EPN3: variants seen among roughly 807,000 people sequenced by gnomAD.
EPN3 encodes epsin 3, also known as epsin-3.
EPN3 carries 56 observed loss-of-function variants against 55.5 expected under a neutral mutation model. That is an observed-to-expected ratio of 1.01 (90% CI 0.81 to 1.26). The LOEUF (loss-of-function observed/expected upper bound fraction) is 1.26, where lower values mean the gene tolerates loss of function less well. Among genes scored for constraint, EPN3 ranks in the 50% most tolerant of loss-of-function variants. EPN3 has a pLI of 0.00. For missense variants in EPN3, 927 were observed against 853.4 expected, an observed-to-expected ratio of 1.09 and a Z score of -1.07; for synonymous variants, 449 against 375.2, an observed-to-expected ratio of 1.20 and a Z score of -2.27.
chr17:50,537,918 G>A, intron 2 of EPN3, 161 bp from the exon 3 acceptor site: 1 of 603,886 alleles, frequency 1.7e-6, no homozygotes, highest in Admixed American at 3.0e-5. Flanking sequence ...GTTGGGATGG[G>A]GAACTTACAG....
Position 50,536,622 on chromosome 17 carries a change from C to G in EPN3, c.66C>G (p.Ile22Met). The G allele has an allele frequency of 6.2e-7, 1 of 1,614,098 alleles. No individual in the cohort carries two copies. The change falls in exon 2 of 10, where the codon ATC becomes ATG. Residue 22 changes from isoleucine (I) to methionine (M), a missense_variant. Coordinates refer to ENST00000268933, the MANE Select transcript of EPN3 (RefSeq NM_017957.3). Reference sequence around the variant, plus strand: ...TGCACAACTACTCCGAGGCAGAAATCAAGGTGCGCGAGGCCACCAGCAATG... The same window carrying G: ...TGCACAACTACTCCGAGGCAGAAATGAAGGTGCGCGAGGCCACCAGCAATG... ...NIVHNYSEAEIKVREATSNDP... is the reference protein window; with the variant it reads ...NIVHNYSEAEMKVREATSNDP...
intron 3 of EPN3, 138 bp downstream of exon 3, chr17:50,538,335 T>A (rs994753766): frequency 3.1e-5 from 20 of 642,898 alleles, no homozygotes; most frequent in African/African-American, 1.7e-4. Flanking sequence ...AGACCCATTA[T>A]CTCTGTCGGT....
intron 6 of EPN3, among the ~76,000 whole-genome samples, chr17:50,540,542 CA>C (rs3214883): frequency 0.6 from 91,781 of 151,968 alleles, 29,285 homozygotes; most frequent in African/African-American, 0.78. Context: ...GGAAACGCAG[CA>C]AAATGTTCTC....
rs572137963 is a variant in EPN3, at chr17:50,538,855, G to T, written c.682-29G>T. On this transcript the variant is annotated intron_variant, in intron 3 of 9. Coordinates refer to ENST00000268933, the MANE Select transcript of EPN3 (RefSeq NM_017957.3). ...TCTGGTCCCAAGGTGGGGGTACAGG[G>T]CCAAGTTTACCCCTCTCTTCCTCCG... 3.9e-5 allele frequency: 60 copies of T among 1,541,564 alleles called. 1 individual carries two copies. The South Asian group carries it at 5.0e-4, about 13-fold the overall frequency.
intron 1 of EPN3, among the ~76,000 whole-genome samples, chr17:50,533,931 G>A (rs543618500): frequency 1.3e-5 from 2 of 152,250 alleles, no homozygotes; most frequent in South Asian, 2.1e-4. Context: ...TGCTGCTACC[G>A]CCACCGCCTT....
intron 5 of EPN3, among the ~76,000 whole-genome samples, chr17:50,539,581 C>T (rs1166225970): frequency 6.6e-6 from 1 of 152,166 alleles, no homozygotes; most frequent in Non-Finnish European, 1.5e-5. Context: ...TGACTTGGGG[C>T]ATGTCACTGT....
At chr17:50,536,302 C>A (rs1043206942) in intron 1 of EPN3, 119 bp from the exon 2 acceptor site, 1 of 719,350 alleles carries the variant, frequency 1.4e-6, no homozygotes, top group African/African-American at 1.8e-5. Context: ...GAACGTGTGC[C>A]GCTGAAGGCT....
chr17:50,542,117 G>A lies in EPN3; in HGVS notation c.1859G>A (p.Arg620Gln), dbSNP rs932775977. 3 of 1,529,408 alleles carry A rather than the reference G, an allele frequency of 2.0e-6. No homozygotes were observed. Among genetic ancestry groups the A allele is most frequent in the Non-Finnish European group, 8.7e-7 (1 of 1,147,758 alleles). The allele number at this position is 1,529,408 out of a possible 1,614,324, so 94.7% of individuals were successfully genotyped here. ...LLPTPSSAGP[R>Q]PPPPQTGTNP... ...CCCACGCCGAGCTCAGCCGGGCCGC[G>A]GCCCCCGCCCCCGCAGACCGGCACC... The change falls in exon 10 of 10, where the codon CGG (arginine) becomes CAG (glutamine). Residue 620 changes from arginine to glutamine, a missense_variant. Arg to Gln is a conservative substitution (Grantham distance 43). Coordinates refer to ENST00000268933, the MANE Select transcript of EPN3 (RefSeq NM_017957.3).
At chr17:50,533,027 G>T in intron 1 of EPN3, 42 bp downstream of exon 1, 1 of 1,205,860 alleles carries the variant, frequency 8.3e-7, no homozygotes, top group Non-Finnish European at 1.1e-6. Context: ...GTGGCGGCAT[G>T]GAAGGCGGGG....
In EPN3 at chr17:50,537,066, C is replaced by CCGCTACGGCGAGGACTACAGCCGCT. The variant is rs767250840; in HGVS notation, c.512_536dup (p.Arg180LeufsTer52). 1.9e-5 allele frequency: 30 copies of CCGCTACGGCGAGGACTACAGCCGCT among 1,611,696 alleles called. No homozygotes were observed. Among genetic ancestry groups the CCGCTACGGCGAGGACTACAGCCGCT allele is most frequent in the Non-Finnish European group, 2.5e-5 (29 of 1,179,728 alleles). On this transcript the variant is annotated frameshift_variant, in exon 2 of 10. Transcript: ENST00000268933. LOFTEE classifies it high-confidence loss of function. ...GCAGTGGGCAGCTGGGCTTCAGCCG[C>CCGCTACGGCGAGGACTACAGCCGCT]CGCTACGGCGAGGACTACAGCCGCT...
chr17:50,538,354 GGCAGGGAC>G, intron 3 of EPN3, 157 bp downstream of exon 3: 1 of 611,982 alleles, frequency 1.6e-6, no homozygotes. Context: ...GTTTGTCGCA[GGCAGGGAC>G]TGCCTCCCTG....
At position 50,537,280 on chromosome 17, in the gene EPN3, A is replaced by G; in HGVS notation, c.562+162A>G. 9.9e-6 allele frequency: 7 copies of G among 708,530 alleles called. No individual in the cohort carries two copies. The South Asian group carries it at 1.4e-4, about 14-fold the overall frequency. The allele number at this position is 708,530 out of a possible 1,614,324, so 43.9% of individuals were successfully genotyped here. On this transcript the variant is annotated intron_variant, in intron 2 of 9. Coordinates refer to ENST00000268933, the MANE Select transcript of EPN3 (RefSeq NM_017957.3). ...CAAGGCGCAACACCCGGCACATAGG[A>G]GGTGCTCAACAAGTTAGCTCAGATA...
Position 50,539,239 on chromosome 17 carries a change from C to A in EPN3, c.815C>A (p.Ala272Asp). The A allele has an allele frequency of 6.2e-7, 1 of 1,614,134 alleles. No homozygotes were observed. ...DGSPMANGAG[A>D]VVHHQRDREP... The stretch of plus-strand genomic sequence containing the variant: ...TCCCCCATGGCCAATGGTGCAGGGG[C>A]CGTGGTCCACCATCAGCGGGACAGA... Residue 272 changes from alanine to aspartate, a missense_variant, in exon 5 of 10, where the codon GCC becomes GAC. Transcript: ENST00000268933.
chr17:50,541,247 A>C lies in EPN3; in HGVS notation c.1268A>C (p.Asp423Ala), dbSNP rs2034845069. The change falls in exon 8 of 10, where the codon GAC becomes GCC. Residue 423 changes from aspartate to alanine, a missense_variant. Coordinates refer to ENST00000268933, the MANE Select transcript of EPN3 (RefSeq NM_017957.3). ...TTCCGAGGTGGTGCCTCGACCTTTG[A>C]CCCATTTGCCAAACCTCCAGAATCC... ...SDTPGGASTF[D>A]PFAKPPESTE... 1 of 1,613,302 alleles carries C rather than the reference A, an allele frequency of 6.2e-7. No homozygotes were observed. Among genetic ancestry groups the C allele is most frequent in the South Asian group, 1.1e-5 (1 of 91,036 alleles).
chr17:50,537,282 G>A (rs2034778666), intron 2 of EPN3, 164 bp downstream of exon 2: 2 of 698,122 alleles, frequency 2.9e-6, no homozygotes, highest in South Asian at 3.9e-5. Context: ...CACATAGGAG[G>A]TGCTCAACAA....
intron 1 of EPN3, among the ~76,000 whole-genome samples, chr17:50,534,003 C>A (rs1451772671): frequency 2.0e-5 from 3 of 152,226 alleles, no homozygotes; most frequent in South Asian, 4.1e-4. Flanking sequence ...TTCGATAAAA[C>A]CCTTTGCTTG....
At chr17:50,538,432 C>T (rs760391196) in intron 3 of EPN3, 15 of 558,866 alleles carry the variant, frequency 2.7e-5, no homozygotes, top group Non-Finnish European at 3.8e-5. Flanking sequence ...GGGGCACATG[C>T]TATGTCTTGG....
chr17:50,538,235 G>A (rs1228489469), intron 3 of EPN3, 38 bp downstream of exon 3: 2 of 1,542,778 alleles, frequency 1.3e-6, no homozygotes, highest in Non-Finnish European at 1.8e-6. Context: ...GGGAGGGGAT[G>A]GGCTAGGGGG....
chr17:50,533,692 G>A (rs945644489), intron 1 of EPN3, among the ~76,000 whole-genome samples: 21 of 152,108 alleles, frequency 1.4e-4, no homozygotes, highest in African/African-American at 4.3e-4. Flanking sequence ...CCTCCCTACT[G>A]CGCAGTTCTC....
Sources: gnomAD v4.1 joint callset for allele counts (sites outside exome capture counted in the v4.1 genomes callset) on GRCh38, gnomAD v4.1.1 for gene constraint, MANE v1.5 for transcripts, NCBI Gene and HGNC (gene_info 2026-07-23, HGNC 2026-07-21) for gene names.